The following PDE4D variants were observed in gnomAD, a reference collection of about 807,000 sequenced individuals.
The protein encoded by PDE4D is 3',5'-cyclic-AMP phosphodiesterase 4D.
A neutral mutation model predicts 87.4 loss-of-function variants in PDE4D; 24 were observed. That is an observed-to-expected ratio of 0.27 (90% CI 0.20 to 0.39). The LOEUF (loss-of-function observed/expected upper bound fraction) is 0.39. Among genes scored for constraint, PDE4D ranks in the 10% least tolerant of loss-of-function variants. PDE4D has a pLI of 1.00. For missense variants in PDE4D, 714 were observed against 1,041.0 expected (o/e 0.69, Z 4.32); for synonymous variants, 384 against 383.2 (o/e 1.00, Z -0.02).
At chr5:59,986,215 C>T (rs1003183256) in intron 3 of PDE4D, among the ~76,000 whole-genome samples, 10 of 152,134 alleles carry the variant, frequency 6.6e-5, no homozygotes, top group African/African-American at 2.4e-4. Context: ...CCACTACACC[C>T]AGTTATTTAT....
intron 1 of PDE4D, among the ~76,000 whole-genome samples, chr5:59,227,968 C>T (rs1460495204): frequency 6.6e-6 from 1 of 151,862 alleles, no homozygotes; most frequent in Admixed American, 6.6e-5. Context: ...TAATTACAGC[C>T]CTATTCACAA....
rs545921068 is a variant in PDE4D, at chr5:60,361,780, C to G, written c.-90+126162G>C. On this transcript the variant is annotated intron_variant, in intron 1 of 16. Transcript: ENST00000502484. ...CTGAGTGACAAGAATGAACAGAGCACTCAGCTGACCCACAATGGACAGACA... is the reference window on the plus strand; with the variant it reads ...CTGAGTGACAAGAATGAACAGAGCAGTCAGCTGACCCACAATGGACAGACA... Among the ~76,000 whole-genome samples the G allele has an allele frequency of 5.3e-5, 8 of 152,304 alleles. No homozygotes were observed. In the South Asian group the frequency reaches 8.3e-4, roughly 16 times the overall value.
intron 1 of PDE4D, among the ~76,000 whole-genome samples, chr5:59,690,139 T>A (rs552825110): frequency 6.6e-6 from 1 of 152,320 alleles, no homozygotes; most frequent in Admixed American, 6.5e-5. Context: ...ATGGCCACAC[T>A]GCCCAAGGTA....
intron 1 of PDE4D, among the ~76,000 whole-genome samples, chr5:59,773,007 A>G (rs1426785177): frequency 3.9e-5 from 6 of 152,246 alleles, no homozygotes. Context: ...GAATGCTACA[A>G]GGATTAAATG....
At chr5:59,597,526 A>C (rs1364343042) in intron 1 of PDE4D, among the ~76,000 whole-genome samples, 3 of 152,202 alleles carry the variant, frequency 2.0e-5, no homozygotes, top group African/African-American at 7.2e-5. Flanking sequence ...AGAGAGAGAG[A>C]AAGAGAGAGA....
intron 1 of PDE4D, among the ~76,000 whole-genome samples, chr5:59,361,050 C>T (rs1211907737): frequency 6.6e-6 from 1 of 151,286 alleles, no homozygotes. Flanking sequence ...AGGTTTCCAT[C>T]TACATTAATT....
chr5:59,018,700 A>G (rs1398296378), intron 6 of PDE4D, among the ~76,000 whole-genome samples: 1 of 152,202 alleles, frequency 6.6e-6, no homozygotes, highest in East Asian at 1.9e-4. Flanking sequence ...AGCTTCCCAA[A>G]TAAGGTTCTA....
chr5:59,260,457 CTCTA>C (rs781463362), intron 1 of PDE4D, among the ~76,000 whole-genome samples: 3 of 151,844 alleles, frequency 2.0e-5, no homozygotes, highest in Non-Finnish European at 2.9e-5. Flanking sequence ...TATATTCTTT[CTCTA>C]TCTCTTTTAT....
intron 1 of PDE4D, among the ~76,000 whole-genome samples, chr5:60,284,845 G>A (rs892572767): frequency 1.4e-5 from 2 of 142,186 alleles, no homozygotes; most frequent in African/African-American, 6.0e-5. Context: ...AATACCTCAA[G>A]TATTCTTTAT....
chr5:59,344,590 G>T (rs1370151183), intron 1 of PDE4D, among the ~76,000 whole-genome samples: 1 of 151,842 alleles, frequency 6.6e-6, no homozygotes, highest in African/African-American at 2.4e-5. Context: ...GTAGAAATGG[G>T]GTCTCACTCT....
Position 59,326,291 on chromosome 5 carries a change from G to A in PDE4D, c.456-110323C>T, listed in dbSNP as rs1002504396. On this transcript the variant is annotated intron_variant, in intron 1 of 14. Coordinates refer to ENST00000340635, the MANE Select transcript of PDE4D (RefSeq NM_001104631.2). ...ATAATAAAAAAAAGAAAAAAAATGT[G>A]TTGAGTCAGTTTGTTTCATTTTTGT... 2.0e-5 allele frequency among the ~76,000 whole-genome samples: 3 copies of A among 151,946 alleles called. No homozygotes were observed. The South Asian group carries it at 6.2e-4, about 32-fold the overall frequency.
upstream of PDE4D, chr5:60,491,379 A>AT (rs1749522651): frequency 6.6e-6 from 1 of 151,678 alleles, no homozygotes; most frequent in Non-Finnish European, 1.5e-5. Context: ...CATGGGGGAA[A>AT]TTTTTTGTTG....
chr5:59,073,507 C>CGGAG (rs1176988759), intron 5 of PDE4D, among the ~76,000 whole-genome samples: 2 of 38,152 alleles, frequency 5.2e-5, no homozygotes, highest in Non-Finnish European at 1.2e-4. Context: ...AAGTGGGGGG[C>CGGAG]GGGGGGGGCG....
intron 3 of PDE4D, among the ~76,000 whole-genome samples, chr5:59,928,700 G>A (rs1755554984): frequency 1.3e-5 from 2 of 151,936 alleles, no homozygotes; most frequent in Non-Finnish European, 2.9e-5. Context: ...TTGATTCTGG[G>A]CCACTAATCT....
chr5:59,123,006 G>A (rs1378434484), intron 5 of PDE4D, among the ~76,000 whole-genome samples: 1 of 151,786 alleles, frequency 6.6e-6, no homozygotes, highest in Non-Finnish European at 1.5e-5. Context: ...TTTTAAAATG[G>A]CATTCTGCAT....
intron 1 of PDE4D, among the ~76,000 whole-genome samples, chr5:59,518,759 C>T (rs1280382112): frequency 6.6e-6 from 1 of 151,976 alleles, no homozygotes; most frequent in Non-Finnish European, 1.5e-5. Context: ...TTTCTGCATC[C>T]CCTATATACT....
intron 3 of PDE4D, among the ~76,000 whole-genome samples, chr5:59,910,254 T>C (rs1168975975): frequency 6.6e-6 from 1 of 152,232 alleles, no homozygotes; most frequent in Non-Finnish European, 1.5e-5. Context: ...ACATTTTTTG[T>C]ATTCAACTAT....
At chr5:59,977,964 T>C (rs1425310796) in intron 3 of PDE4D, among the ~76,000 whole-genome samples, 2 of 152,178 alleles carry the variant, frequency 1.3e-5, no homozygotes, top group Non-Finnish European at 2.9e-5. Flanking sequence ...GTTTACAGCA[T>C]GGTTTACTAA....
chr5:59,465,761 T>G (rs917784409), intron 1 of PDE4D, among the ~76,000 whole-genome samples: 3 of 152,204 alleles, frequency 2.0e-5, no homozygotes, highest in Admixed American at 1.3e-4. Context: ...TGAAGAGAGA[T>G]AAAGAAAAAG....
Sources: gnomAD v4.1 joint callset for allele counts (sites outside exome capture counted in the v4.1 genomes callset) on GRCh38, gnomAD v4.1.1 for gene constraint, MANE v1.5 for transcripts, NCBI Gene and HGNC (gene_info 2026-07-23, HGNC 2026-07-21) for gene names.